Variants in LARP4B observed in about 807,000 individuals in gnomAD.
The protein encoded by LARP4B is la-related protein 4B.
Under a neutral mutation model 89.8 loss-of-function variants are expected in LARP4B, and 12 were observed. The observed-to-expected ratio is 0.13, with a 90% confidence interval of 0.09 to 0.22. LARP4B has a LOEUF of 0.22. LARP4B is among the 10% of genes least tolerant of loss of function. LARP4B has a pLI of 1.00. For missense variants in LARP4B, 757 were observed against 947.7 expected (o/e 0.80, Z 2.64); for synonymous variants, 367 against 363.3 (o/e 1.01, Z -0.12).
At chr10:845,609 T>C (rs1290743297) in intron 5 of LARP4B, among the ~76,000 whole-genome samples, 2 of 152,146 alleles carry the variant, frequency 1.3e-5, no homozygotes, top group African/African-American at 4.8e-5. Flanking sequence ...ATAAACCAGA[T>C]CTTCAAGAGG....
chr10:979,911 C>A, the LARP4B span, among the ~76,000 whole-genome samples: 1 of 152,170 alleles, frequency 6.6e-6, no homozygotes, highest in Non-Finnish European at 1.5e-5. Flanking sequence ...GCAGAGCTTG[C>A]AGTAAGCTGA....
chr10:877,805 C>T (rs1027706689), intron 3 of LARP4B, among the ~76,000 whole-genome samples: 4 of 152,176 alleles, frequency 2.6e-5, no homozygotes, highest in Admixed American at 1.3e-4. Context: ...CAGGAAGACA[C>T]TGGAATACAT....
chr10:963,756 C>G, the LARP4B span, among the ~76,000 whole-genome samples: 1 of 152,142 alleles, frequency 6.6e-6, no homozygotes, highest in Non-Finnish European at 1.5e-5. Context: ...AGTCCAAGAT[C>G]GAGGGTCCTT....
chr10:871,211 C>A (rs2131877636), intron 3 of LARP4B, among the ~76,000 whole-genome samples: 1 of 152,332 alleles, frequency 6.6e-6, no homozygotes, highest in South Asian at 2.1e-4. Flanking sequence ...ACTCTTCACA[C>A]ATATTTCACC....
At chr10:867,291 AG>A (rs1018105535) in intron 3 of LARP4B, among the ~76,000 whole-genome samples, 5 of 152,230 alleles carry the variant, frequency 3.3e-5, no homozygotes, top group Admixed American at 3.3e-4. Context: ...GTACTGAATC[AG>A]AACAAGTCTT....
intron 3 of LARP4B, among the ~76,000 whole-genome samples, chr10:878,311 G>A (rs904461509): frequency 6.6e-6 from 1 of 152,174 alleles, no homozygotes; most frequent in African/African-American, 2.4e-5. Context: ...GGAAGGGTGG[G>A]TTGGGGACAC....
intron 1 of LARP4B, among the ~76,000 whole-genome samples, chr10:919,028 C>T (rs573557700): frequency 2.2e-4 from 33 of 152,154 alleles, no homozygotes; most frequent in Admixed American, 1.4e-3. Context: ...TTGCAGTGAG[C>T]GGAGATCAAG....
chr10:973,339 G>A, the LARP4B span, among the ~76,000 whole-genome samples: 9 of 151,728 alleles, frequency 5.9e-5, no homozygotes, highest in African/African-American at 1.7e-4. Context: ...AAATCCGAAC[G>A]TGATCCGCTT....
chr10:882,461 C>T (rs1391830665), intron 3 of LARP4B, among the ~76,000 whole-genome samples: 2 of 151,758 alleles, frequency 1.3e-5, no homozygotes, highest in Non-Finnish European at 2.9e-5. Flanking sequence ...AATCTCGGCT[C>T]ACTACAAGCT....
chr10:815,102 C>T lies in LARP4B; in HGVS notation c.1696-32G>A, dbSNP rs756599702. ...CAGGGTCAAGAGTGTTCATCAGAGT[C>T]CTGCCGGCACTAAGCGGAGCTGGTA... is the stretch of plus-strand genomic sequence containing the variant. On this transcript the variant is annotated intron_variant, in intron 15 of 17. Coordinates refer to ENST00000316157, the MANE Select transcript of LARP4B (RefSeq NM_015155.3). 16 of 1,522,086 alleles carry T rather than the reference C, an allele frequency of 1.1e-5. 1 individual carries two copies. In the South Asian group the frequency reaches 2.1e-4, roughly 20 times the overall value. The allele number at this position is 1,522,086 out of a possible 1,614,324, so 94.3% of individuals were successfully genotyped here. A position where few individuals can be genotyped will look rare whatever the true frequency, so the allele number is the denominator to read the frequency against.
At chr10:917,474 A>C (rs1299181367) in intron 1 of LARP4B, among the ~76,000 whole-genome samples, 3 of 152,364 alleles carry the variant, frequency 2.0e-5, no homozygotes, top group South Asian at 2.1e-4. Flanking sequence ...CTTGACTGGA[A>C]TGGCGTATTT....
At chr10:915,440 T>C (rs1184379055) in intron 1 of LARP4B, among the ~76,000 whole-genome samples, 1 of 152,140 alleles carries the variant, frequency 6.6e-6, no homozygotes, top group Non-Finnish European at 1.5e-5. Context: ...AAAAAGATTC[T>C]GTTGGTCTCA....
chr10:903,927 CAATG>C (rs1836412903), intron 1 of LARP4B, among the ~76,000 whole-genome samples: 1 of 152,004 alleles, frequency 6.6e-6, no homozygotes, highest in Non-Finnish European at 1.5e-5. Flanking sequence ...TTGTCCCTAA[CAATG>C]AGTCAGAGAA....
intron 13 of LARP4B, among the ~76,000 whole-genome samples, chr10:821,905 T>G (rs1455147217): frequency 6.6e-6 from 1 of 152,182 alleles, no homozygotes. Context: ...GGGACATGGA[T>G]GAGTACTGAG....
chr10:831,125 A>G, intron 8 of LARP4B, 148 bp from the exon 9 acceptor site: 1 of 479,770 alleles, frequency 2.1e-6, no homozygotes, highest in South Asian at 2.7e-5. Flanking sequence ...TCCAAAAAGG[A>G]TGAGGGTTCA....
In LARP4B at chr10:814,610, CACAG is replaced by C. The variant is rs545212091; in HGVS notation, c.1929+128_1929+131del. The C allele has an allele frequency of 1.3e-3, 1,939 of 1,542,974 alleles. 3 individuals are homozygous for C. The highest frequency in any genetic ancestry group is 1.6e-3 in the Non-Finnish European group (1,785 of 1,140,858). ...AAGGTATTTTGTACAGAAAACACAACACAGACAGACGCAAATAAAAACCCACCAA... is the reference window on the plus strand; with the variant it reads ...AAGGTATTTTGTACAGAAAACACAACACAGACGCAAATAAAAACCCACCAA... On this transcript the variant is annotated intron_variant, in intron 17 of 17. Transcript: ENST00000316157. The surrounding 1 kb of genome is among the most constrained non-coding windows in gnomAD (Gnocchi z 4.4).
chr10:840,885 C>T (rs982166278), intron 7 of LARP4B, among the ~76,000 whole-genome samples: 1 of 152,188 alleles, frequency 6.6e-6, no homozygotes, highest in African/African-American at 2.4e-5. Context: ...GGCATGGTGG[C>T]TCACACCTGT....
At chr10:845,113 A>T in intron 5 of LARP4B, 58 bp from the exon 6 acceptor site, 1 of 1,259,488 alleles carries the variant, frequency 7.9e-7, no homozygotes, top group Non-Finnish European at 1.1e-6. Flanking sequence ...GAAGCAGATA[A>T]TTCAGTACAG....
intron 13 of LARP4B, among the ~76,000 whole-genome samples, chr10:821,458 G>A (rs1434448855): frequency 6.6e-6 from 1 of 152,122 alleles, no homozygotes; most frequent in Non-Finnish European, 1.5e-5. Flanking sequence ...CGCCACACAC[G>A]CAGTTGATAA....
Sources: allele counts gnomAD v4.1 joint callset (sites outside exome capture counted in the v4.1 genomes callset), GRCh38; gene constraint gnomAD v4.1.1; non-coding constraint Gnocchi (gnomAD v3.1); transcripts MANE v1.5; gene names NCBI Gene and HGNC (gene_info 2026-07-23, HGNC 2026-07-21).